TENM2: variants seen among roughly 807,000 people sequenced by gnomAD.
TENM2 encodes the protein teneurin transmembrane protein 2, also known as teneurin-2.
In TENM2, 52 loss-of-function variants were observed where a neutral mutation model predicts 245.2. The ratio of observed to expected loss-of-function variants is 0.21; its 90% CI spans 0.17 to 0.27. The LOEUF (loss-of-function observed/expected upper bound fraction) is 0.27. Ranked by LOEUF, TENM2 falls within the 10% of genes least tolerant of loss-of-function variation. The pLI, the probability that TENM2 is intolerant of heterozygous loss-of-function variation, is 1.00. For missense variants in TENM2, 3,046 were observed against 3,666.8 expected, an observed-to-expected ratio of 0.83 and a Z score of 4.37; for synonymous variants, 1,363 against 1,438.9, an observed-to-expected ratio of 0.95 and a Z score of 1.19.
the TENM2 span, among the ~76,000 whole-genome samples, chr5:167,001,603 C>T: frequency 6.6e-6 from 1 of 151,410 alleles, no homozygotes; most frequent in Non-Finnish European, 1.5e-5. Flanking sequence ...TTACTTTCTA[C>T]AGTCCCTGAC....
chr5:168,033,726 A>T (rs1391368928), intron 5 of TENM2, among the ~76,000 whole-genome samples: 1 of 152,028 alleles, frequency 6.6e-6, no homozygotes, highest in Non-Finnish European at 1.5e-5. Flanking sequence ...CATGCCTCAA[A>T]ATTTGGAGGG....
In TENM2 at chr5:167,507,004, A is replaced by T. The variant is rs549984857; in HGVS notation, c.502+131531A>T. On this transcript the variant is annotated intron_variant, in intron 2 of 28. Coordinates refer to ENST00000518659, the Ensembl canonical transcript of TENM2. The stretch of plus-strand genomic sequence containing the variant: ...AACAACTTTTCTAATGTAAAATGTC[A>T]GTTAATTATGAATACATATTATTAA... 2.6e-5 allele frequency among the ~76,000 whole-genome samples: 4 copies of T among 152,340 alleles called. No individual in the cohort carries two copies. In the South Asian group the frequency reaches 8.3e-4, roughly 32 times the overall value.
intron 2 of TENM2, among the ~76,000 whole-genome samples, chr5:167,790,178 G>A (rs1325813323): frequency 1.3e-5 from 2 of 151,882 alleles, no homozygotes; most frequent in Admixed American, 1.3e-4. Flanking sequence ...GCTTCCGTTC[G>A]TGTCAGTGCG....
At chr5:168,167,035 C>T (rs905980845) in intron 13 of TENM2, among the ~76,000 whole-genome samples, 4 of 152,094 alleles carry the variant, frequency 2.6e-5, no homozygotes, top group Non-Finnish European at 4.4e-5. Flanking sequence ...GGAAATGGTT[C>T]AGACAGACAC....
chr5:167,734,168 G>T (rs1004465089), intron 2 of TENM2, among the ~76,000 whole-genome samples: 7 of 152,176 alleles, frequency 4.6e-5, no homozygotes. Flanking sequence ...TGGAGCAAGG[G>T]TTTGATGAAC....
chr5:167,027,181 G>A, the TENM2 span, among the ~76,000 whole-genome samples: 8 of 152,134 alleles, frequency 5.3e-5, no homozygotes, highest in African/African-American at 1.9e-4. Context: ...TCATAGGATG[G>A]GTTGGGGGAT....
At chr5:167,147,387 T>C in the TENM2 span, among the ~76,000 whole-genome samples, 1 of 152,148 alleles carries the variant, frequency 6.6e-6, no homozygotes, top group Non-Finnish European at 1.5e-5. Context: ...CTGATGATGA[T>C]TTTTTGTGGG....
At chr5:167,042,043 G>A in the TENM2 span, among the ~76,000 whole-genome samples, 1 of 152,060 alleles carries the variant, frequency 6.6e-6, no homozygotes, top group African/African-American at 2.4e-5. Context: ...CAATGTGCTG[G>A]GGGAGAATGA....
At chr5:167,717,696 T>C (rs1264078296) in intron 2 of TENM2, among the ~76,000 whole-genome samples, 1 of 152,192 alleles carries the variant, frequency 6.6e-6, no homozygotes, top group Non-Finnish European at 1.5e-5. Flanking sequence ...AGCTCTTCAA[T>C]ACAATCAAAG....
At chr5:167,318,704 C>T (rs1373564275) in intron 1 of TENM2, among the ~76,000 whole-genome samples, 3 of 152,094 alleles carry the variant, frequency 2.0e-5, no homozygotes, top group African/African-American at 7.2e-5. Context: ...GGATCCTATG[C>T]CTTATTTCCC....
chr5:167,500,061 G>GTGT (rs1554166388), intron 2 of TENM2, among the ~76,000 whole-genome samples: 1 of 148,000 alleles, frequency 6.8e-6, no homozygotes, highest in Admixed American at 6.7e-5. Context: ...TATATATGAG[G>GTGT]GTGTGTGTGT....
At chr5:168,083,896 GT>G (rs537875956) in intron 7 of TENM2, among the ~76,000 whole-genome samples, 1 of 152,034 alleles carries the variant, frequency 6.6e-6, no homozygotes, top group East Asian at 1.9e-4. Context: ...AATCCCAGTA[GT>G]TTTTTAACCC....
At chr5:167,614,950 G>A (rs990831297) in intron 2 of TENM2, among the ~76,000 whole-genome samples, 2 of 152,110 alleles carry the variant, frequency 1.3e-5, no homozygotes, top group African/African-American at 4.8e-5. Flanking sequence ...GTCACTGACG[G>A]CTCTGACTGG....
At chr5:168,151,189 T>G (rs1265839899) in intron 12 of TENM2, among the ~76,000 whole-genome samples, 1 of 152,182 alleles carries the variant, frequency 6.6e-6, no homozygotes, top group Admixed American at 6.5e-5. Context: ...CTCTTGCGTT[T>G]TAAGGGGAGT....
rs755697806 is a variant in TENM2, at chr5:168,247,414, C to T, written c.6475C>T (p.Arg2159Trp). 2.5e-6 allele frequency: 4 copies of T among 1,613,788 alleles called. No homozygotes were observed. The highest frequency in any genetic ancestry group is 1.1e-5 in the South Asian group (1 of 91,076). The stretch of plus-strand genomic sequence containing the variant: ...CAGCAAACACTTCGACACCCATGGG[C>T]GGATCAAGGAGGTCCAGTATGAGAT... Residue 2159 changes from arginine to tryptophan, a missense_variant, in exon 27 of 29, where the codon CGG (arginine) becomes TGG (tryptophan). Transcript: ENST00000518659. The surrounding 1 kb of genome is among the most constrained non-coding windows in gnomAD (Gnocchi z 7.8).
Position 167,760,812 on chromosome 5 carries a change from C to T in TENM2, c.503-115174C>T, listed in dbSNP as rs192095196. ...GGGATTACAGGCGCGTGCCACGATG[C>T]CTGGCTAATTTTTGTATTTTTAGTA... On this transcript the variant is annotated intron_variant, in intron 2 of 28. Coordinates refer to ENST00000518659, the Ensembl canonical transcript of TENM2. Among the ~76,000 whole-genome samples the T allele has an allele frequency of 8.7e-4, 132 of 152,254 alleles. 1 individual carries two copies. In the Middle Eastern group the frequency reaches 0.01, roughly 12 times the overall value.
intron 12 of TENM2, chr5:168,139,663 G>C: frequency 2.3e-6 from 1 of 436,654 alleles, no homozygotes. Flanking sequence ...AGAGCCTCTA[G>C]AAAGAGTTGT....
Position 167,828,023 on chromosome 5 carries a change from A to T in TENM2, c.503-47963A>T, listed in dbSNP as rs551217481. Among the ~76,000 whole-genome samples the T allele has an allele frequency of 3.3e-5, 5 of 152,312 alleles. No homozygotes were observed. The East Asian group carries it at 7.7e-4, about 23-fold the overall frequency. On this transcript the variant is annotated intron_variant, in intron 2 of 28. Transcript: ENST00000518659. ...TTATCCAACCTCAGGGCCTCAGCAC[A>T]TACTTTTGCCTCTACATGACATTTA... is the stretch of plus-strand genomic sequence containing the variant.
chr5:167,506,549 G>T (rs746849023), intron 2 of TENM2, among the ~76,000 whole-genome samples: 1 of 152,140 alleles, frequency 6.6e-6, no homozygotes, highest in African/African-American at 2.4e-5. Flanking sequence ...TATATTTAAA[G>T]ATATTTTTAA....
Sources: gnomAD v4.1 joint callset for allele counts (sites outside exome capture counted in the v4.1 genomes callset) on GRCh38, gnomAD v4.1.1 for gene constraint, Gnocchi (gnomAD v3.1) non-coding constraint, MANE v1.5 for transcripts, NCBI Gene and HGNC (gene_info 2026-07-23, HGNC 2026-07-21) for gene names.